The following CACNB4 variants were observed in gnomAD, a reference collection of about 807,000 sequenced individuals.
CACNB4 encodes the protein calcium voltage-gated channel auxiliary subunit beta 4.
A neutral mutation model predicts 71.2 loss-of-function variants in CACNB4; 32 were observed. The observed-to-expected ratio is 0.45, with a 90% CI of 0.34 to 0.60. The LOEUF is 0.60. Ranked by LOEUF, CACNB4 falls within the 20% of genes least tolerant of loss-of-function variation. The pLI is 0.01. For missense variants in CACNB4, 464 were observed against 647.9 expected (o/e 0.72, Z 3.08); for synonymous variants, 231 against 236.9 (o/e 0.97, Z 0.23).
chr2:151,898,100 T>C (rs1031904201), intron 2 of CACNB4, among the ~76,000 whole-genome samples: 1 of 152,228 alleles, frequency 6.6e-6, no homozygotes, highest in Non-Finnish European at 1.5e-5. Flanking sequence ...TATTCCTCCA[T>C]ATTTCTTCTG....
chr2:151,839,178 G>C lies in CACNB4; in HGVS notation c.1504C>G (p.Pro502Ala), dbSNP rs777642049. The change falls in exon 14 of 14, where the codon CCC becomes GCC. Residue 502 changes from proline (P) to alanine (A), a missense_variant. Physicochemically the swap from Pro to Ala is conservative, Grantham distance 27 (BLOSUM62 -1). This residue lies in a region of CACNB4 where 115 missense variants were observed against 128.8 expected (regional missense o/e 0.89). Coordinates refer to ENST00000539935, the MANE Select transcript of CACNB4 (RefSeq NM_000726.5). ...YPDSYQDTYK[P>A]HRNRGSPGGY... ...CCAGGTGATCCTCGGTTCCTATGGG[G>C]TTTGTAAGTGTCCTGGTATGAGTCA... is the stretch of plus-strand genomic sequence containing the variant. 10 of 1,613,530 alleles carry C rather than the reference G, an allele frequency of 6.2e-6. No individual in the cohort carries two copies. The highest frequency in any genetic ancestry group is 5.5e-5 in the South Asian group (5 of 91,066).
intron 2 of CACNB4, among the ~76,000 whole-genome samples, chr2:151,991,013 T>C (rs1579084232): frequency 6.6e-6 from 1 of 152,250 alleles, no homozygotes; most frequent in South Asian, 2.1e-4. Flanking sequence ...ATACAAATTA[T>C]ACTAAATTTC....
intron 12 of CACNB4, among the ~76,000 whole-genome samples, chr2:151,846,812 C>T (rs1383741921): frequency 4.6e-5 from 7 of 152,132 alleles, no homozygotes; most frequent in Non-Finnish European, 1.0e-4. Context: ...GCCTCAGCCT[C>T]CCAAAGTGCT....
intron 2 of CACNB4, among the ~76,000 whole-genome samples, chr2:152,051,403 A>G (rs967227892): frequency 1.3e-5 from 2 of 152,212 alleles, no homozygotes; most frequent in Non-Finnish European, 2.9e-5. Flanking sequence ...AAAGAGAAAT[A>G]CTTGGTATGG....
At chr2:151,839,470 T>C (rs2099835610) in intron 13 of CACNB4, 91 bp from the exon 14 acceptor site, 1 of 995,814 alleles carries the variant, frequency 1.0e-6, no homozygotes, top group African/African-American at 1.6e-5. Context: ...ATCTGTACAA[T>C]AAGATGCTAA....
At chr2:152,009,948 T>C (rs1350974526) in intron 2 of CACNB4, among the ~76,000 whole-genome samples, 2 of 152,224 alleles carry the variant, frequency 1.3e-5, no homozygotes, top group East Asian at 3.8e-4. Context: ...TTCTCTGCCT[T>C]CCCTGTGTTG....
intron 2 of CACNB4, among the ~76,000 whole-genome samples, chr2:151,895,846 CTT>C (rs11446492): frequency 2.1e-5 from 3 of 140,250 alleles, no homozygotes; most frequent in African/African-American, 2.6e-5. Flanking sequence ...TAATTGTGTA[CTT>C]TTTTTTTTTT....
intron 2 of CACNB4, among the ~76,000 whole-genome samples, chr2:152,087,737 G>A (rs1687741262): frequency 6.6e-6 from 1 of 152,116 alleles, no homozygotes; most frequent in Non-Finnish European, 1.5e-5. Flanking sequence ...AAAATAGCCA[G>A]GCATGATGGT....
At chr2:151,876,729 C>CTATATACTATATTTTA (rs1172893747) in intron 4 of CACNB4, among the ~76,000 whole-genome samples, 173 bp from the exon 5 acceptor site, 542 of 15,024 alleles carry the variant, frequency 0.036, 33 homozygotes, top group Non-Finnish European at 0.09. Context: ...ATATACTATA[C>CTATATACTATATTTTA]TATAGACTAT....
At chr2:151,988,371 T>C (rs954211737) in intron 2 of CACNB4, among the ~76,000 whole-genome samples, 2 of 152,166 alleles carry the variant, frequency 1.3e-5, no homozygotes, top group African/African-American at 4.8e-5. Flanking sequence ...GCCTTTCCTG[T>C]GCTTACTTCA....
Position 151,942,606 on chromosome 2 carries a change from T to C in CACNB4, c.148-59236A>G, listed in dbSNP as rs144251461. Among the ~76,000 whole-genome samples the C allele has an allele frequency of 5.9e-4, 83 of 140,490 alleles. 1 individual carries two copies. The East Asian group carries it at 0.014, about 24-fold the overall frequency. The allele number at this position is 140,490 out of a possible 152,430, so 92.2% of individuals were successfully genotyped here. On this transcript the variant is annotated intron_variant, in intron 2 of 13. Coordinates refer to ENST00000539935, the MANE Select transcript of CACNB4 (RefSeq NM_000726.5). Reference sequence around the variant, plus strand: ...TATTTTTCTTCTTGCAGAGAGCCTATAAATGGACGTGCAATTATGGAAGAT... The same window carrying C: ...TATTTTTCTTCTTGCAGAGAGCCTACAAATGGACGTGCAATTATGGAAGAT...
At chr2:151,996,136 A>G (rs1216132290) in intron 2 of CACNB4, among the ~76,000 whole-genome samples, 1 of 152,222 alleles carries the variant, frequency 6.6e-6, no homozygotes. Context: ...CCCGTAATAG[A>G]TACTAGTATG....
intron 2 of CACNB4, among the ~76,000 whole-genome samples, chr2:152,089,126 C>T (rs530425112): frequency 6.6e-6 from 1 of 152,184 alleles, no homozygotes; most frequent in Non-Finnish European, 1.5e-5. Flanking sequence ...CCTGATGTGT[C>T]CATGTAGTCA....
chr2:151,990,052 C>G (rs553649746), intron 2 of CACNB4, among the ~76,000 whole-genome samples: 21 of 152,296 alleles, frequency 1.4e-4, no homozygotes, highest in African/African-American at 4.8e-4. Context: ...GCCCACCCCT[C>G]AAGTCCCATA....
rs904400136 is a variant in CACNB4, at chr2:151,835,564, A to G, written c.*3555T>C. 6.6e-6 allele frequency: 1 copy of G among 151,914 alleles called. No homozygotes were observed. The highest frequency in any genetic ancestry group is 2.4e-5 in the African/African-American group (1 of 41,432). 9.4% of individuals were successfully genotyped at this position (151,914 alleles called of 1,614,324 possible). A position where few individuals can be genotyped will look rare whatever the true frequency, so the allele number is the denominator to read the frequency against. ...CAAAATAAAACTGTGTAACTAAGAA[A>G]ATATATACTAACATGCAAATTAAGG... is the stretch of plus-strand genomic sequence containing the variant. On this transcript the variant is annotated 3_prime_UTR_variant, in exon 14 of 14. Coordinates refer to ENST00000539935, the MANE Select transcript of CACNB4 (RefSeq NM_000726.5).
intron 2 of CACNB4, among the ~76,000 whole-genome samples, chr2:151,920,611 G>A (rs2099858746): frequency 6.6e-6 from 1 of 151,916 alleles, no homozygotes; most frequent in African/African-American, 2.4e-5. Context: ...TTACAGGCAT[G>A]AGCACTATGC....
At chr2:152,091,380 G>T (rs1197468261) in intron 2 of CACNB4, among the ~76,000 whole-genome samples, 1 of 152,214 alleles carries the variant, frequency 6.6e-6, no homozygotes, top group Non-Finnish European at 1.5e-5. Context: ...CAACTTTGCA[G>T]ATGAAAATGA....
chr2:151,855,430 A>G, intron 10 of CACNB4, 55 bp from the exon 11 acceptor site: 3 of 1,309,170 alleles, frequency 2.3e-6, no homozygotes, highest in Non-Finnish European at 3.2e-6. Flanking sequence ...TAGTTCTTAC[A>G]TTAGAAAGAT....
intron 2 of CACNB4, among the ~76,000 whole-genome samples, chr2:152,012,121 G>A (rs1450669835): frequency 6.7e-6 from 1 of 148,932 alleles, no homozygotes; most frequent in Non-Finnish European, 1.5e-5. Context: ...AAAGTTAACT[G>A]TAAAACAGCC....
Sources: gnomAD v4.1 joint callset for allele counts (sites outside exome capture counted in the v4.1 genomes callset) on GRCh38, gnomAD v4.1.1 for gene constraint, gnomAD v4.1.1 regional missense constraint, MANE v1.5 for transcripts, NCBI Gene and HGNC (gene_info 2026-07-23, HGNC 2026-07-21) for gene names.